The following CSMD1 variants were observed in gnomAD, a reference collection of about 807,000 sequenced individuals.
CSMD1 encodes the protein CUB and Sushi multiple domains 1.
A neutral mutation model predicts 417.5 loss-of-function variants in CSMD1; 213 were observed. That is an observed-to-expected ratio of 0.51 (90% CI 0.46 to 0.57). CSMD1 has a LOEUF of 0.57. Among genes scored for constraint, CSMD1 ranks in the 20% least tolerant of loss-of-function variants. CSMD1 has a pLI of 0.00. For missense variants in CSMD1, 6,923 were observed against 4,529.7 expected, an observed-to-expected ratio of 1.53 and a Z score of -15.17; for synonymous variants, 2,862 against 1,736.8, an observed-to-expected ratio of 1.65 and a Z score of -16.11.
intron 1 of CSMD1, among the ~76,000 whole-genome samples, chr8:4,693,995 T>A (rs1478526734): frequency 6.6e-6 from 1 of 152,300 alleles, no homozygotes; most frequent in Non-Finnish European, 1.5e-5. Flanking sequence ...GGAAAGTCAA[T>A]CTCGGGACCC....
chr8:3,634,411 T>C (rs1304356949), intron 7 of CSMD1, among the ~76,000 whole-genome samples: 2 of 152,116 alleles, frequency 1.3e-5, no homozygotes, highest in Non-Finnish European at 2.9e-5. Flanking sequence ...TGGTCTGCAA[T>C]CCTCTGTGCG....
chr8:4,192,643 G>C (rs1026237068), intron 3 of CSMD1, among the ~76,000 whole-genome samples: 2 of 152,126 alleles, frequency 1.3e-5, no homozygotes, highest in Non-Finnish European at 2.9e-5. Context: ...ATTTGCTCAG[G>C]GATCAGAGTG....
At chr8:3,268,998 G>C (rs939401548) in intron 26 of CSMD1, among the ~76,000 whole-genome samples, 6 of 152,190 alleles carry the variant, frequency 3.9e-5, no homozygotes, top group African/African-American at 7.2e-5. Context: ...AATAGGAGAA[G>C]TGCCATTTTA....
At chr8:3,425,082 C>T (rs1813744739) in intron 12 of CSMD1, among the ~76,000 whole-genome samples, 1 of 152,196 alleles carries the variant, frequency 6.6e-6, no homozygotes. Flanking sequence ...TCAAGCAATC[C>T]TCCTGTCCCA....
At chr8:4,194,729 C>T (rs992924826) in intron 3 of CSMD1, among the ~76,000 whole-genome samples, 3 of 151,976 alleles carry the variant, frequency 2.0e-5, no homozygotes, top group African/African-American at 7.3e-5. Flanking sequence ...TTATGCTTAA[C>T]AGATTTCATT....
chr8:3,263,830 G>C (rs900521474), intron 26 of CSMD1, among the ~76,000 whole-genome samples: 1 of 152,166 alleles, frequency 6.6e-6, no homozygotes, highest in Non-Finnish European at 1.5e-5. Flanking sequence ...ATCATGTGAA[G>C]ATTAGACATC....
chr8:4,342,803 C>T (rs569131668), intron 3 of CSMD1, among the ~76,000 whole-genome samples: 20 of 151,968 alleles, frequency 1.3e-4, no homozygotes, highest in Non-Finnish European at 2.5e-4. Flanking sequence ...AAAGGTGGTT[C>T]GTTCCTGCCA....
chr8:3,286,254 C>T (rs1479432398), intron 25 of CSMD1, among the ~76,000 whole-genome samples: 1 of 152,100 alleles, frequency 6.6e-6, no homozygotes, highest in Non-Finnish European at 1.5e-5. Flanking sequence ...GGTTCCAAGT[C>T]TTTGCTATTG....
At chr8:4,241,434 T>G (rs949240455) in intron 3 of CSMD1, among the ~76,000 whole-genome samples, 1 of 152,302 alleles carries the variant, frequency 6.6e-6, no homozygotes, top group Middle Eastern at 3.4e-3. Flanking sequence ...CATAGCACTT[T>G]ATTATCTCAG....
At chr8:4,860,428 G>C (rs1441077404) in intron 1 of CSMD1, among the ~76,000 whole-genome samples, 1 of 151,300 alleles carries the variant, frequency 6.6e-6, no homozygotes, top group African/African-American at 2.4e-5. Context: ...AAAAAAGTGT[G>C]TGCCACTCCA....
chr8:4,468,291 G>A (rs1029723336), intron 2 of CSMD1, among the ~76,000 whole-genome samples: 1 of 152,152 alleles, frequency 6.6e-6, no homozygotes, highest in Non-Finnish European at 1.5e-5. Context: ...AGGAACTTGA[G>A]AAAGTGTTGA....
intron 2 of CSMD1, among the ~76,000 whole-genome samples, chr8:4,518,082 TATC>T (rs1350567014): frequency 6.6e-6 from 1 of 152,212 alleles, no homozygotes; most frequent in Non-Finnish European, 1.5e-5. Flanking sequence ...AAATGTCTAA[TATC>T]ATCCAAAAAT....
intron 25 of CSMD1, among the ~76,000 whole-genome samples, chr8:3,285,745 T>G (rs955849346): frequency 3.3e-5 from 5 of 151,974 alleles, no homozygotes; most frequent in African/African-American, 1.2e-4. Context: ...AACAATTTTT[T>G]GCCTCCACTC....
At position 4,012,952 on chromosome 8, in the gene CSMD1, G is replaced by C. The variant is rs550448789; in HGVS notation, c.611-14842C>G. ...AGCATTCTGAGTCCAAATGTGTCTGGCCATCTCCTCTGCTCCTGTCATCTC... is the reference window on the plus strand; with the variant it reads ...AGCATTCTGAGTCCAAATGTGTCTGCCCATCTCCTCTGCTCCTGTCATCTC... On this transcript the variant is annotated intron_variant, in intron 4 of 69. Coordinates refer to ENST00000635120, the MANE Select transcript of CSMD1 (RefSeq NM_033225.6). Among the ~76,000 whole-genome samples the C allele has an allele frequency of 1.3e-5, 2 of 152,046 alleles. 1 individual carries two copies. The highest frequency in any genetic ancestry group is 4.2e-4 in the South Asian group (2 of 4,808).
chr8:3,109,888 C>T (rs1305171678), intron 43 of CSMD1, among the ~76,000 whole-genome samples: 1 of 151,618 alleles, frequency 6.6e-6, no homozygotes, highest in Non-Finnish European at 1.5e-5. Context: ...CCATACCCAA[C>T]CCAACCCACA....
intron 23 of CSMD1, among the ~76,000 whole-genome samples, chr8:3,326,059 C>A (rs925010468): frequency 1.2e-4 from 18 of 152,194 alleles, no homozygotes; most frequent in African/African-American, 4.3e-4. Flanking sequence ...CGGGTGATCA[C>A]AGACCCTTAT....
At chr8:4,277,484 A>G (rs1008990426) in intron 3 of CSMD1, among the ~76,000 whole-genome samples, 4 of 152,182 alleles carry the variant, frequency 2.6e-5, no homozygotes, top group African/African-American at 9.7e-5. Context: ...GTCTTAAAAA[A>G]GCATATTCTC....
rs570764047 is a variant in CSMD1, at chr8:3,106,333, G to C, written c.6949+195C>G. Among the ~76,000 whole-genome samples, 3 of 152,192 alleles carry C rather than the reference G, an allele frequency of 2.0e-5. No homozygotes were observed. In the South Asian group the frequency reaches 6.2e-4, roughly 32 times the overall value. ...GATCACCTGAGACCAGGGAGGTTGA[G>C]GCTGTGGTGAGCCATGATTGCACCA... On this transcript the variant is annotated intron_variant, in intron 46 of 69. Coordinates refer to ENST00000635120, the MANE Select transcript of CSMD1 (RefSeq NM_033225.6).
chr8:3,119,706 T>C (rs1585400169), intron 41 of CSMD1, among the ~76,000 whole-genome samples: 2 of 152,166 alleles, frequency 1.3e-5, no homozygotes, highest in South Asian at 2.1e-4. Flanking sequence ...TCTAGCATCT[T>C]TGAATATTTA....
Sources: gnomAD v4.1 joint callset for allele counts (sites outside exome capture counted in the v4.1 genomes callset) on GRCh38, gnomAD v4.1.1 for gene constraint, MANE v1.5 for transcripts, NCBI Gene and HGNC (gene_info 2026-07-23, HGNC 2026-07-21) for gene names.